The following FRRS1 variants were observed in gnomAD, a reference collection of about 807,000 sequenced individuals.
FRRS1 encodes ferric reductase 1.
A neutral mutation model predicts 70.7 loss-of-function variants in FRRS1; 51 were observed. The ratio of observed to expected loss-of-function variants is 0.72; its 90% CI spans 0.58 to 0.91. The LOEUF is 0.91. FRRS1 is among the 40% of genes least tolerant of loss of function. The pLI is 0.00. For missense variants in FRRS1, 672 were observed against 726.0 expected, an observed-to-expected ratio of 0.93 and a Z score of 0.86; for synonymous variants, 225 against 238.7, an observed-to-expected ratio of 0.94 and a Z score of 0.53.
chr1:99,711,841 T>C (rs1314182288), intron 14 of FRRS1, among the ~76,000 whole-genome samples: 1 of 152,242 alleles, frequency 6.6e-6, no homozygotes, highest in Non-Finnish European at 1.5e-5. Flanking sequence ...TAGCTTATTC[T>C]GCTGGCAAAG....
At chr1:99,753,999 T>C (rs956527912) in intron 1 of FRRS1, among the ~76,000 whole-genome samples, 1 of 152,214 alleles carries the variant, frequency 6.6e-6, no homozygotes, top group Non-Finnish European at 1.5e-5. Context: ...GCTACGTTAA[T>C]TTCAGACAGT....
At position 99,748,586 on chromosome 1, in the gene FRRS1, TCCTGG is replaced by T. The variant is rs772700198; in HGVS notation, c.178_182del (p.Pro60ArgfsTer4). 20 of 1,613,826 alleles carry T rather than the reference TCCTGG, an allele frequency of 1.2e-5. No individual in the cohort carries two copies. The highest frequency in any genetic ancestry group is 1.7e-5 in the Non-Finnish European group (20 of 1,179,730). Reference sequence around the variant, plus strand: ...CCAGCACGGTACCTTCAATCTGATCTCCTGGCCTGAATGTCATCTGACTCACGTAA... The same window carrying T: ...CCAGCACGGTACCTTCAATCTGATCTCCTGAATGTCATCTGACTCACGTAA... On this transcript the variant is annotated frameshift_variant, in exon 3 of 17. Transcript: ENST00000646001. LOFTEE classifies it high-confidence loss of function.
At chr1:99,741,922 T>C (rs1026622116) in intron 5 of FRRS1, among the ~76,000 whole-genome samples, 10 of 152,252 alleles carry the variant, frequency 6.6e-5, no homozygotes, top group African/African-American at 9.6e-5. Flanking sequence ...GTTATTACTA[T>C]ACCAAAGCTC....
intron 4 of FRRS1, among the ~76,000 whole-genome samples, chr1:99,746,674 T>C (rs962805711): frequency 6.6e-6 from 1 of 152,178 alleles, no homozygotes; most frequent in Non-Finnish European, 1.5e-5. Context: ...GCAAACAAAC[T>C]GACATTAGAC....
At chr1:99,750,998 G>GT (rs1157352183) in intron 1 of FRRS1, among the ~76,000 whole-genome samples, 1 of 152,162 alleles carries the variant, frequency 6.6e-6, no homozygotes, top group African/African-American at 2.4e-5. Context: ...ATTTCTAAAA[G>GT]AGGTTAGCAT....
intron 7 of FRRS1, among the ~76,000 whole-genome samples, chr1:99,731,319 T>A (rs1336919243): frequency 6.6e-6 from 1 of 152,244 alleles, no homozygotes; most frequent in Non-Finnish European, 1.5e-5. Flanking sequence ...TAACAAATCT[T>A]GCTATAAATT....
chr1:99,709,348 C>A, intron 15 of FRRS1, 89 bp from the exon 16 acceptor site: 1 of 854,960 alleles, frequency 1.2e-6, no homozygotes, highest in East Asian at 2.6e-5. Flanking sequence ...ACTGTTCACC[C>A]CAATTTCCAG....
chr1:99,738,523 A>G (rs1427629750), intron 6 of FRRS1, among the ~76,000 whole-genome samples: 3 of 152,176 alleles, frequency 2.0e-5, no homozygotes, highest in Non-Finnish European at 4.4e-5. Context: ...TTGGGCTGTA[A>G]TTGTGCAAGG....
rs1654298890 is a variant in FRRS1 at position 99,712,130 on chromosome 1, C to T, written c.1455G>A (p.Met485Ile). 2 of 1,610,736 alleles carry T rather than the reference C, an allele frequency of 1.2e-6. No individual in the cohort carries two copies. The highest frequency in any genetic ancestry group is 1.7e-6 in the Non-Finnish European group (2 of 1,177,594). ...CTGCTATTATTCTAGCAGCTGTTCC[C>T]ATACTCCAATGAGTCCAGTTAAACA... ...RQMFNWTHWS[M>I]GTAARIIAVA... is the part of the protein sequence containing the mutation. Residue 485 changes from methionine to isoleucine, a missense_variant, in exon 14 of 17, where the codon ATG becomes ATA. Transcript: ENST00000646001.
chr1:99,753,071 G>A (rs1656648537), intron 1 of FRRS1, among the ~76,000 whole-genome samples: 1 of 150,464 alleles, frequency 6.6e-6, no homozygotes, highest in Non-Finnish European at 1.5e-5. Flanking sequence ...AAATTAGCTG[G>A]CTGTGGTGGC....
rs1349931627 is a variant in FRRS1, at chr1:99,706,387, C to T, written c.*2641G>A. On this transcript the variant is annotated 3_prime_UTR_variant, in exon 17 of 17. Transcript: ENST00000646001. ...TCGCACCACTGCACTCCAGCCTGGG[C>T]AACAGAGTAAGACCCTGTCTCAAAA... is the stretch of plus-strand genomic sequence containing the variant. Among the ~76,000 whole-genome samples the T allele has an allele frequency of 2.9e-5, 4 of 135,804 alleles. No homozygotes were observed. The highest frequency in any genetic ancestry group is 1.1e-4 in the African/African-American group (4 of 36,086). The allele number at this position is 135,804 out of a possible 152,430, so 89.1% of individuals were successfully genotyped here. A position where few individuals can be genotyped will look rare whatever the true frequency, so the allele number is the denominator to read the frequency against.
chr1:99,748,882 A>G lies in FRRS1; in HGVS notation c.-1+15T>C. On this transcript the variant is annotated intron_variant, in intron 2 of 16. Coordinates refer to ENST00000646001, the MANE Select transcript of FRRS1 (RefSeq NM_001361041.2). ...ACTTGCTTTCTGTGTTCAGCAAACC[A>G]TATTCTCAACATACCTGATAAAAAG... is the stretch of plus-strand genomic sequence containing the variant. 1 of 715,608 alleles carries G rather than the reference A, an allele frequency of 1.4e-6. No homozygotes were observed. The highest frequency in any genetic ancestry group is 2.1e-5 in the South Asian group (1 of 47,694). 44.3% of individuals were successfully genotyped at this position (715,608 alleles called of 1,614,324 possible).
intron 1 of FRRS1, among the ~76,000 whole-genome samples, chr1:99,755,956 A>C (rs1237893875): frequency 2.0e-5 from 3 of 152,212 alleles, no homozygotes; most frequent in Non-Finnish European, 4.4e-5. Context: ...TTTTCATTAT[A>C]ATAGCTAATT....
rs1653963034 is a variant in FRRS1, at chr1:99,704,032, TAA to T, written c.*4994_*4995del. Among the ~76,000 whole-genome samples, 1 of 152,174 alleles carries T rather than the reference TAA, an allele frequency of 6.6e-6. No individual in the cohort carries two copies. Among genetic ancestry groups the T allele is most frequent in the Admixed American group, 6.5e-5 (1 of 15,274 alleles). On this transcript the variant is annotated 3_prime_UTR_variant, in exon 17 of 17. Coordinates refer to ENST00000646001, the MANE Select transcript of FRRS1 (RefSeq NM_001361041.2). Reference sequence around the variant, plus strand: ...CAAGATGAATATCAAATATTTTTTATAAAAAGTATACATTTTACATGCAAAAT... The same window carrying T: ...CAAGATGAATATCAAATATTTTTTATAAAGTATACATTTTACATGCAAAAT...
In FRRS1 at chr1:99,740,800, G is replaced by T. The variant is rs1187712562; in HGVS notation, c.569C>A (p.Thr190Asn). The change falls in exon 6 of 17, where the codon ACC (threonine) becomes AAC (asparagine). Residue 190 changes from threonine (T) to asparagine (N), a missense_variant. Transcript: ENST00000646001. ...LPTLPPVSHL[T>N]KPFSASDCGN... ...AATAAAATTGTTACTTACTGGTTTG[G>T]TTAAGTGGGAAACGGGAGGTAACGT... 1 of 1,608,250 alleles carries T rather than the reference G, an allele frequency of 6.2e-7. No individual in the cohort carries two copies. The highest frequency in any genetic ancestry group is 8.5e-7 in the Non-Finnish European group (1 of 1,174,646).
intron 1 of FRRS1, among the ~76,000 whole-genome samples, chr1:99,754,888 A>G (rs1181651712): frequency 1.3e-5 from 2 of 152,140 alleles, no homozygotes; most frequent in Non-Finnish European, 2.9e-5. Context: ...CCCTGCACCT[A>G]ATGCCAGGAG....
At chr1:99,729,477 G>A (rs1655240539) in intron 8 of FRRS1, among the ~76,000 whole-genome samples, 173 bp downstream of exon 8, 1 of 152,336 alleles carries the variant, frequency 6.6e-6, no homozygotes, top group Middle Eastern at 3.4e-3. Context: ...CTTCTGAAGT[G>A]TAGAAAAGTT....
intron 1 of FRRS1, among the ~76,000 whole-genome samples, chr1:99,766,224 T>C (rs994669119): frequency 2.0e-5 from 3 of 151,916 alleles, no homozygotes; most frequent in East Asian, 1.9e-4. Context: ...GACCCTGATA[T>C]AGGTAACCAT....
intron 1 of FRRS1, among the ~76,000 whole-genome samples, chr1:99,754,434 A>G (rs554072130): frequency 9.2e-4 from 140 of 152,208 alleles, no homozygotes; most frequent in Non-Finnish European, 1.8e-3. Flanking sequence ...AGCTATGGTC[A>G]CACCACACCC....
Sources: gnomAD v4.1 joint callset for allele counts (sites outside exome capture counted in the v4.1 genomes callset) on GRCh38, gnomAD v4.1.1 for gene constraint, MANE v1.5 for transcripts, NCBI Gene and HGNC (gene_info 2026-07-23, HGNC 2026-07-21) for gene names.